Variants in TRAF5 observed in about 807,000 individuals in gnomAD.
The protein encoded by TRAF5 is TNF receptor-associated factor 5.
Under a neutral mutation model 64.5 loss-of-function variants are expected in TRAF5, and 48 were observed. That is an observed-to-expected ratio of 0.74 (90% confidence interval 0.59 to 0.95). The LOEUF (loss-of-function observed/expected upper bound fraction) is 0.95, where lower values mean the gene tolerates loss of function less well. TRAF5 is among the 40% of genes least tolerant of loss of function. The pLI, the probability that TRAF5 is intolerant of heterozygous loss-of-function variation, is 0.00. For synonymous variants in TRAF5, 206 were observed against 240.5 expected (o/e 0.86, Z 1.33); for missense variants, 545 against 662.8 (o/e 0.82, Z 1.95).
intron 1 of TRAF5, among the ~76,000 whole-genome samples, chr1:211,342,358 T>G (rs1021847483): frequency 2.0e-5 from 3 of 152,190 alleles, no homozygotes; most frequent in African/African-American, 7.2e-5. Flanking sequence ...TACTTTTTTA[T>G]TTTTATGGGT....
At chr1:211,347,577 G>C (rs761003342) in intron 1 of TRAF5, among the ~76,000 whole-genome samples, 3 of 152,242 alleles carry the variant, frequency 2.0e-5, no homozygotes, top group Non-Finnish European at 2.9e-5. Flanking sequence ...ACTTAGGCCT[G>C]TTGAATAGGT....
At chr1:211,365,726 C>T (rs1259012440) in intron 8 of TRAF5, among the ~76,000 whole-genome samples, 1 of 152,158 alleles carries the variant, frequency 6.6e-6, no homozygotes. Context: ...ATGTTTTAAT[C>T]GTAAGTAGCA....
chr1:211,361,720 A>C (rs1315563736), intron 7 of TRAF5, among the ~76,000 whole-genome samples: 1 of 126,156 alleles, frequency 7.9e-6, no homozygotes, highest in Non-Finnish European at 1.6e-5. Context: ...TTTTTTTGAG[A>C]CAGAGTCTTG....
At chr1:211,327,581 C>T (rs1185704082) in intron 1 of TRAF5, among the ~76,000 whole-genome samples, 1 of 152,136 alleles carries the variant, frequency 6.6e-6, no homozygotes, top group Non-Finnish European at 1.5e-5. Context: ...ACCAGATGGT[C>T]TCCACTTTGT....
chr1:211,373,787 C>G lies in TRAF5; in HGVS notation c.*1085C>G, dbSNP rs1402201061. 1.3e-5 allele frequency: 2 copies of G among 152,160 alleles called. No homozygotes were observed. Among genetic ancestry groups the G allele is most frequent in the Non-Finnish European group, 2.9e-5 (2 of 68,060 alleles). 9.4% of individuals were successfully genotyped at this position (152,160 alleles called of 1,614,324 possible). ...TTTCATTGTCACCCAGGCTGGAGTA[C>G]AGTGGCATGATCTCAGCTCACTGCA... On this transcript the variant is annotated 3_prime_UTR_variant, in exon 11 of 11. Transcript: ENST00000261464.
At chr1:211,343,912 A>G (rs6672233) in intron 1 of TRAF5, among the ~76,000 whole-genome samples, 147,478 of 152,236 alleles carry the variant, frequency 0.97, 71,440 homozygotes, top group East Asian at 1. Flanking sequence ...GGAGCCAAGG[A>G]TGGGGGCTTC....
chr1:211,359,775 AC>A, intron 4 of TRAF5, 136 bp from the exon 5 acceptor site: 2 of 917,852 alleles, frequency 2.2e-6, no homozygotes, highest in East Asian at 2.5e-5. Context: ...CTGAGAGCCT[AC>A]CCTCTGCCTT....
chr1:211,372,283 G>A lies in TRAF5; in HGVS notation c.1255G>A (p.Glu419Lys), dbSNP rs1266661095. 6.2e-7 allele frequency: 1 copy of A among 1,614,158 alleles called. No homozygotes were observed. The highest frequency in any genetic ancestry group is 1.1e-5 in the South Asian group (1 of 91,086). Residue 419 changes from glutamate to lysine, a missense_variant, in exon 11 of 11, where the codon GAG becomes AAG. Glu to Lys is a moderately conservative substitution (Grantham distance 56). Transcript: ENST00000261464. ...GACAGATTACAAGATGAAGAAGAGA[G>A]AGGCGGTGGATGGGCACACAGTGTC... ...KVTDYKMKKR[E>K]AVDGHTVSIF...
chr1:211,341,926 A>G (rs1572060654), intron 1 of TRAF5, among the ~76,000 whole-genome samples: 1 of 152,256 alleles, frequency 6.6e-6, no homozygotes, highest in African/African-American at 2.4e-5. Flanking sequence ...CAGTCAGGTT[A>G]TCTCAGAGTG....
chr1:211,334,394 C>A (rs1431818496), intron 1 of TRAF5, among the ~76,000 whole-genome samples: 3 of 152,218 alleles, frequency 2.0e-5, no homozygotes. Flanking sequence ...CGCGGTGGCT[C>A]ATGCCTGTAA....
intron 1 of TRAF5, among the ~76,000 whole-genome samples, chr1:211,340,200 A>C (rs530527807): frequency 6.6e-6 from 1 of 152,074 alleles, no homozygotes; most frequent in East Asian, 1.9e-4. Context: ...CTAAATCTAA[A>C]CAGTTGTCTG....
chr1:211,369,403 A>G (rs752039011), intron 8 of TRAF5, 49 bp from the exon 9 acceptor site: 1 of 1,481,112 alleles, frequency 6.8e-7, no homozygotes, highest in Non-Finnish European at 9.0e-7. Flanking sequence ...AACTATATGC[A>G]TGCAGTTATA....
chr1:211,355,209 A>T (rs1270569521), intron 3 of TRAF5, among the ~76,000 whole-genome samples: 1 of 152,134 alleles, frequency 6.6e-6, no homozygotes, highest in Non-Finnish European at 1.5e-5. Context: ...TCTGGATATA[A>T]ATCTCTTAGC....
intron 1 of TRAF5, among the ~76,000 whole-genome samples, chr1:211,349,602 TG>T (rs913636840): frequency 6.6e-6 from 1 of 152,132 alleles, no homozygotes; most frequent in African/African-American, 2.4e-5. Context: ...ATACGAATTT[TG>T]GGGGGGACAC....
chr1:211,361,403 G>A (rs1474091136), intron 7 of TRAF5, among the ~76,000 whole-genome samples: 1 of 152,114 alleles, frequency 6.6e-6, no homozygotes, highest in African/African-American at 2.4e-5. Context: ...AAATCTGCAG[G>A]GCAGCTCAGC....
At chr1:211,354,926 A>G (rs577585641) in intron 3 of TRAF5, among the ~76,000 whole-genome samples, 2 of 152,252 alleles carry the variant, frequency 1.3e-5, no homozygotes, top group African/African-American at 4.8e-5. Context: ...TAATCCTAGC[A>G]CTTTGGGAGG....
At chr1:211,355,464 T>C (rs10494936) in intron 3 of TRAF5, among the ~76,000 whole-genome samples, 95,298 of 152,002 alleles carry the variant, frequency 0.63, 32,498 homozygotes, top group Non-Finnish European at 0.76. Context: ...GTTTTCTTCC[T>C]TTAAGATTCT....
At chr1:211,368,023 G>A (rs535835414) in intron 8 of TRAF5, among the ~76,000 whole-genome samples, 108 of 152,196 alleles carry the variant, frequency 7.1e-4, no homozygotes, top group Non-Finnish European at 1.2e-3. Context: ...AGGTGGTCTC[G>A]GCGGGTGGTG....
intron 1 of TRAF5, among the ~76,000 whole-genome samples, chr1:211,344,753 C>T (rs1702545597): frequency 6.6e-6 from 1 of 152,072 alleles, no homozygotes; most frequent in East Asian, 1.9e-4. Flanking sequence ...CTTCGTTTTC[C>T]TTTCCTTTTT....
Sources: allele counts gnomAD v4.1 joint callset (sites outside exome capture counted in the v4.1 genomes callset), GRCh38; gene constraint gnomAD v4.1.1; transcripts MANE v1.5; gene names NCBI Gene and HGNC (gene_info 2026-07-23, HGNC 2026-07-21).